The following ERC2 variants were observed in gnomAD, a reference collection of about 807,000 sequenced individuals.
The protein encoded by ERC2 is ERC protein 2.
A neutral mutation model predicts 114.8 loss-of-function variants in ERC2; 42 were observed. The ratio of observed to expected loss-of-function variants is 0.37; its 90% CI spans 0.29 to 0.47. The LOEUF (loss-of-function observed/expected upper bound fraction) is 0.47, where lower values mean the gene tolerates loss of function less well. Among genes scored for constraint, ERC2 ranks in the 20% least tolerant of loss-of-function variants. The pLI, the probability that ERC2 is intolerant of heterozygous loss-of-function variation, is 0.99. For missense variants in ERC2, 939 were observed against 1,150.7 expected (o/e 0.82, Z 2.66); for synonymous variants, 454 against 425.5 (o/e 1.07, Z -0.82).
At chr3:56,101,020 CA>C (rs1452952061) in intron 6 of ERC2, among the ~76,000 whole-genome samples, 1 of 152,190 alleles carries the variant, frequency 6.6e-6, no homozygotes, top group African/African-American at 2.4e-5. Flanking sequence ...CTTCATACTA[CA>C]GTTCTGAATG....
At chr3:55,963,696 C>T (rs976529031) in intron 12 of ERC2, among the ~76,000 whole-genome samples, 1 of 152,236 alleles carries the variant, frequency 6.6e-6, no homozygotes, top group African/African-American at 2.4e-5. Context: ...AAGCCTACGA[C>T]TCCACTGTTA....
At chr3:56,212,786 T>C (rs2150126406) in intron 3 of ERC2, among the ~76,000 whole-genome samples, 1 of 129,524 alleles carries the variant, frequency 7.7e-6, no homozygotes, top group Non-Finnish European at 1.8e-5. Context: ...GGTATATACA[T>C]ATACATATAC....
chr3:55,885,792 C>A (rs1428543351), intron 14 of ERC2, among the ~76,000 whole-genome samples: 3 of 152,130 alleles, frequency 2.0e-5, no homozygotes, highest in Non-Finnish European at 4.4e-5. Flanking sequence ...GTGTGCCAAA[C>A]TCTCTGCTGA....
chr3:55,770,821 T>G (rs1012931086), intron 14 of ERC2, among the ~76,000 whole-genome samples: 1 of 141,772 alleles, frequency 7.1e-6, no homozygotes, highest in Non-Finnish European at 1.5e-5. Flanking sequence ...ACAGGCCCCA[T>G]TGTGTGATGT....
intron 17 of ERC2, among the ~76,000 whole-genome samples, chr3:55,603,464 G>A (rs1400341863): frequency 6.6e-6 from 1 of 151,650 alleles, no homozygotes. Flanking sequence ...AAACCCATCT[G>A]TACTAAAAAT....
At chr3:56,015,437 C>T (rs1178232272) in intron 8 of ERC2, among the ~76,000 whole-genome samples, 2 of 151,374 alleles carry the variant, frequency 1.3e-5, no homozygotes, top group Admixed American at 1.3e-4. Context: ...GCTCAGCTCC[C>T]ACTTATAAGT....
chr3:55,530,817 G>A (rs569444232), intron 17 of ERC2, among the ~76,000 whole-genome samples: 4 of 152,152 alleles, frequency 2.6e-5, no homozygotes, highest in African/African-American at 4.8e-5. Flanking sequence ...TAAGTGTTAC[G>A]AAGCCTAATT....
At chr3:55,958,195 G>A (rs749385097) in intron 12 of ERC2, among the ~76,000 whole-genome samples, 1 of 152,154 alleles carries the variant, frequency 6.6e-6, no homozygotes, top group Non-Finnish European at 1.5e-5. Flanking sequence ...CTCTCAGCAG[G>A]TAGCTCCTGG....
intron 2 of ERC2, among the ~76,000 whole-genome samples, chr3:56,337,789 A>G (rs1165826151): frequency 2.0e-5 from 3 of 152,246 alleles, no homozygotes; most frequent in East Asian, 1.9e-4. Context: ...ACCAAGAGAC[A>G]AGAGCTGGAA....
In ERC2 at chr3:55,848,847, T is replaced by G. The variant is rs78333036; in HGVS notation, c.2564+39542A>C. Among the ~76,000 whole-genome samples the G allele has an allele frequency of 7.0e-4, 106 of 152,332 alleles. 4 individuals carry two copies. The East Asian group carries it at 0.013, about 19-fold the overall frequency. ...CAAAACAAAACAAAAAACAATCACC[T>G]TTCTTAGTCACTATTTCATTCTTCT... On this transcript the variant is annotated intron_variant, in intron 14 of 17. Transcript: ENST00000288221.
chr3:56,157,583 A>G (rs903610098), intron 4 of ERC2, among the ~76,000 whole-genome samples: 5 of 152,206 alleles, frequency 3.3e-5, no homozygotes, highest in Non-Finnish European at 7.3e-5. Context: ...GTTCTTTAGG[A>G]AAAGATTGAG....
At chr3:55,590,134 A>G (rs904621) in intron 17 of ERC2, among the ~76,000 whole-genome samples, 146,755 of 152,286 alleles carry the variant, frequency 0.96, 70,883 homozygotes, top group East Asian at 1. Flanking sequence ...CAATTGTAGG[A>G]TAACGATGGC....
chr3:56,277,148 G>A (rs1048196290), intron 3 of ERC2, among the ~76,000 whole-genome samples: 1 of 152,224 alleles, frequency 6.6e-6, no homozygotes, highest in Admixed American at 6.5e-5. Context: ...GTGAATGAAT[G>A]AATGAATGAG....
chr3:55,734,918 T>C lies in ERC2; in HGVS notation c.2565A>G (p.Lys855=), dbSNP rs753885027. ...RKQLEEILEM[K]QEALLAAISE... ...TGATGGCTGCAAGTAGTGCTTCCTG[T>C]CTGGTAAAATAAAGATTATTGAGAT... Residue 855 remains lysine, a splice_region_variant and synonymous_variant, in exon 15 of 18, where the codon AAA becomes AAG. Transcript: ENST00000288221. 6 of 1,573,692 alleles carry C rather than the reference T, an allele frequency of 3.8e-6. No homozygotes were observed. In the South Asian group the frequency reaches 7.2e-5, roughly 19 times the overall value.
chr3:55,822,551 TTTTTTTTC>T (rs1365087027), intron 14 of ERC2, among the ~76,000 whole-genome samples: 29 of 132,964 alleles, frequency 2.2e-4, no homozygotes, highest in African/African-American at 9.5e-4. Context: ...TTACAAGAAT[TTTTTTTTC>T]TTTTTTTTCT....
chr3:55,711,833 T>C (rs1293730395), intron 15 of ERC2, among the ~76,000 whole-genome samples: 1 of 152,228 alleles, frequency 6.6e-6, no homozygotes, highest in Non-Finnish European at 1.5e-5. Context: ...ATATCATAGC[T>C]GTTTCTATAA....
chr3:56,246,368 C>T (rs1387186995), intron 3 of ERC2, among the ~76,000 whole-genome samples: 1 of 152,296 alleles, frequency 6.6e-6, no homozygotes, highest in South Asian at 2.1e-4. Flanking sequence ...CACACACATC[C>T]ACCTTGTGAC....
At position 55,904,274 on chromosome 3, in the gene ERC2, T is replaced by C. The variant is rs543924496; in HGVS notation, c.2404-15725A>G. Among the ~76,000 whole-genome samples the C allele has an allele frequency of 1.9e-4, 29 of 152,230 alleles. No individual in the cohort carries two copies. In the South Asian group the frequency reaches 5.0e-3, roughly 26 times the overall value. ...TCATATTTTAATGGCCAGAGTACCA[T>C]AGGTAAAAATAGAATAAACACACAC... On this transcript the variant is annotated intron_variant, in intron 13 of 17. Coordinates refer to ENST00000288221, the MANE Select transcript of ERC2 (RefSeq NM_015576.3).
chr3:56,148,891 T>G, intron 5 of ERC2, 86 bp downstream of exon 5: 1 of 1,214,818 alleles, frequency 8.2e-7, no homozygotes, highest in Middle Eastern at 2.2e-4. Context: ...AAGCATATTA[T>G]ATGGAGTATT....
Sources: allele counts gnomAD v4.1 joint callset (sites outside exome capture counted in the v4.1 genomes callset), GRCh38; gene constraint gnomAD v4.1.1; transcripts MANE v1.5; gene names NCBI Gene and HGNC (gene_info 2026-07-23, HGNC 2026-07-21).